Variants in BCAS1 observed in about 807,000 individuals in gnomAD.
BCAS1 encodes brain enriched myelin associated protein 1.
BCAS1 carries 46 observed loss-of-function variants against 65.4 expected under a neutral mutation model. That is an observed-to-expected ratio of 0.70 (90% CI 0.55 to 0.90). BCAS1 has a LOEUF of 0.90. BCAS1 is among the 40% of genes least tolerant of loss of function. The probability of loss-of-function intolerance (pLI) is 0.00; values close to 1 mark genes in which losing one functional copy is unlikely to be tolerated. For synonymous variants in BCAS1, 298 were observed against 293.5 expected, an observed-to-expected ratio of 1.02 and a Z score of -0.16; for missense variants, 793 against 771.2, an observed-to-expected ratio of 1.03 and a Z score of -0.33.
intron 9 of BCAS1, among the ~76,000 whole-genome samples, chr20:53,968,345 G>A (rs539368090): frequency 1.3e-5 from 2 of 152,284 alleles, no homozygotes; most frequent in East Asian, 1.9e-4. Flanking sequence ...TCTTTGCTGG[G>A]CCAGACCCCT....
At chr20:54,014,569 G>C (rs1054843082) in intron 4 of BCAS1, among the ~76,000 whole-genome samples, 1 of 152,170 alleles carries the variant, frequency 6.6e-6, no homozygotes, top group Admixed American at 6.5e-5. Context: ...ACTCCATCTA[G>C]ATTTCCTCAT....
At chr20:53,973,002 C>A (rs181176340) in intron 9 of BCAS1, among the ~76,000 whole-genome samples, 9 of 152,188 alleles carry the variant, frequency 5.9e-5, no homozygotes, top group East Asian at 1.9e-4. Flanking sequence ...CCAAGGTGGG[C>A]GGATCACTTG....
At chr20:53,951,430 C>T (rs1211521073) in intron 12 of BCAS1, among the ~76,000 whole-genome samples, 1 of 152,206 alleles carries the variant, frequency 6.6e-6, no homozygotes, top group Non-Finnish European at 1.5e-5. Context: ...GAGATTGCAC[C>T]ATTGCACTCC....
At chr20:54,034,282 G>A (rs2091857326) in intron 3 of BCAS1, among the ~76,000 whole-genome samples, 1 of 151,244 alleles carries the variant, frequency 6.6e-6, no homozygotes, top group African/African-American at 2.4e-5. Context: ...GTCTTGGCCA[G>A]GGCAATCGGG....
At chr20:54,024,473 T>C (rs1450993465) in intron 4 of BCAS1, among the ~76,000 whole-genome samples, 1 of 152,168 alleles carries the variant, frequency 6.6e-6, no homozygotes, top group African/African-American at 2.4e-5. Flanking sequence ...AGTAGACATG[T>C]GGAAGAGGAG....
chr20:54,023,411 T>C (rs1425404946), intron 4 of BCAS1, among the ~76,000 whole-genome samples: 1 of 152,210 alleles, frequency 6.6e-6, no homozygotes, highest in African/African-American at 2.4e-5. Flanking sequence ...AGGAATTCCC[T>C]GGTAAGATTT....
intron 4 of BCAS1, among the ~76,000 whole-genome samples, chr20:54,003,137 C>T (rs532921955): frequency 5.4e-5 from 8 of 147,422 alleles, no homozygotes; most frequent in African/African-American, 7.5e-5. Flanking sequence ...TGGTATAATT[C>T]GTTGTGAGTT....
intron 10 of BCAS1, among the ~76,000 whole-genome samples, chr20:53,962,277 T>TA (rs1184337535): frequency 2.0e-5 from 3 of 152,206 alleles, no homozygotes; most frequent in South Asian, 4.1e-4. Context: ...GTAATTAATT[T>TA]AAAAAACCCT....
At position 53,962,087 on chromosome 20, in the gene BCAS1, A is replaced by G. The variant is rs367594426; in HGVS notation, c.1486-4590T>C. Among the ~76,000 whole-genome samples, 12 of 152,350 alleles carry G rather than the reference A, an allele frequency of 7.9e-5. 1 individual carries two copies. Among genetic ancestry groups the G allele is most frequent in the East Asian group, 3.9e-4 (2 of 5,194 alleles). ...GGTAGGGACAGGAATTGACCAAATT[A>G]ATGCTTCCTTCAGAAATCTTTCCTT... On this transcript the variant is annotated intron_variant, in intron 10 of 12. Transcript: ENST00000688948.
At chr20:53,948,889 C>T (rs1003449965) in intron 12 of BCAS1, among the ~76,000 whole-genome samples, 3 of 152,156 alleles carry the variant, frequency 2.0e-5, no homozygotes, top group Admixed American at 6.5e-5. Flanking sequence ...GTTCACTGCC[C>T]GCTCTTTCCA....
chr20:54,031,900 GA>G (rs2091809340), intron 3 of BCAS1, among the ~76,000 whole-genome samples: 1 of 151,088 alleles, frequency 6.6e-6, no homozygotes, highest in Admixed American at 6.6e-5. Context: ...GAATCAACCT[GA>G]AAAACATATT....
chr20:53,977,360 G>A (rs925024497), intron 8 of BCAS1, among the ~76,000 whole-genome samples: 3 of 152,180 alleles, frequency 2.0e-5, no homozygotes, highest in African/African-American at 4.8e-5. Flanking sequence ...CCATGAACAC[G>A]TAATGAACCA....
chr20:53,966,242 C>G (rs2090022644), intron 10 of BCAS1, among the ~76,000 whole-genome samples: 1 of 152,140 alleles, frequency 6.6e-6, no homozygotes, highest in South Asian at 2.1e-4. Context: ...GCCCATCAAC[C>G]AATGAGTGGA....
chr20:53,980,384 C>T (rs569791526), intron 8 of BCAS1, among the ~76,000 whole-genome samples: 95 of 152,264 alleles, frequency 6.2e-4, no homozygotes, highest in African/African-American at 2.1e-3. Context: ...TATTCTTTGT[C>T]GGCTTGCATT....
chr20:53,973,986 C>T (rs2090254951), intron 9 of BCAS1, among the ~76,000 whole-genome samples: 1 of 152,028 alleles, frequency 6.6e-6, no homozygotes, highest in South Asian at 2.1e-4. Context: ...CTGTGTCTAG[C>T]TAAAGGATTG....
At chr20:53,958,797 A>G (rs530046828) in intron 10 of BCAS1, among the ~76,000 whole-genome samples, 1 of 152,294 alleles carries the variant, frequency 6.6e-6, no homozygotes, top group East Asian at 1.9e-4. Context: ...AGGAAATGGA[A>G]GCTCAAAGAT....
At chr20:54,061,475 G>A (rs2092376083) in intron 1 of BCAS1, among the ~76,000 whole-genome samples, 1 of 152,228 alleles carries the variant, frequency 6.6e-6, no homozygotes, top group African/African-American at 2.4e-5. Flanking sequence ...ATCTGCTCTA[G>A]TGGCTCTCGG....
Position 53,953,533 on chromosome 20 carries a change from C to G in BCAS1, c.1714G>C (p.Glu572Gln). 1 of 1,613,998 alleles carries G rather than the reference C, an allele frequency of 6.2e-7. No homozygotes were observed. Among genetic ancestry groups the G allele is most frequent in the Non-Finnish European group, 8.5e-7 (1 of 1,180,010 alleles). Residue 572 changes from glutamate to glutamine, a missense_variant, in exon 12 of 13, where the codon GAG becomes CAG. Coordinates refer to ENST00000688948, the MANE Select transcript of BCAS1 (RefSeq NM_001366298.2). ...GAGTTCGTGTCCACCGTGGCCTGCT[C>G]TGTGCACTGGGCTGGTTCTTTGGCT... ...QEAKEPAQCT[E>Q]QATVDTNSLQ...
intron 3 of BCAS1, among the ~76,000 whole-genome samples, chr20:54,043,297 TTGATGATGA>T (rs3831640): frequency 2.7e-5 from 4 of 149,982 alleles, no homozygotes; most frequent in Middle Eastern, 3.4e-3. Context: ...CTATGATAAC[TTGATGATGA>T]TGATGATGAT....
Sources: gnomAD v4.1 joint callset for allele counts (sites outside exome capture counted in the v4.1 genomes callset) on GRCh38, gnomAD v4.1.1 for gene constraint, MANE v1.5 for transcripts, NCBI Gene and HGNC (gene_info 2026-07-23, HGNC 2026-07-21) for gene names.